Variants in CLSTN2 observed in about 807,000 individuals in gnomAD.
The protein encoded by CLSTN2 is calsyntenin 2.
CLSTN2 carries 48 observed loss-of-function variants against 101.2 expected under a neutral mutation model. The observed-to-expected ratio is 0.47, with a 90% CI of 0.38 to 0.60. CLSTN2 has a LOEUF of 0.60. Ranked by LOEUF, CLSTN2 falls within the 20% of genes least tolerant of loss-of-function variation. The pLI is 0.00. For synonymous variants in CLSTN2, 481 were observed against 463.6 expected (o/e 1.04, Z -0.48); for missense variants, 1,160 against 1,238.2 (o/e 0.94, Z 0.95).
intron 1 of CLSTN2, among the ~76,000 whole-genome samples, chr3:140,171,635 A>G (rs1176387846): frequency 8.4e-6 from 1 of 119,742 alleles, no homozygotes; most frequent in Non-Finnish European, 1.6e-5. Context: ...TATGTATTAT[A>G]TATTATATAT....
At chr3:140,124,252 A>G (rs537193584) in intron 1 of CLSTN2, among the ~76,000 whole-genome samples, 1 of 152,248 alleles carries the variant, frequency 6.6e-6, no homozygotes, top group Non-Finnish European at 1.5e-5. Context: ...TGGATAGGCA[A>G]TGAGCTGGAG....
At chr3:139,987,164 T>C (rs1055392122) in intron 1 of CLSTN2, among the ~76,000 whole-genome samples, 3 of 152,206 alleles carry the variant, frequency 2.0e-5, no homozygotes, top group African/African-American at 7.2e-5. Context: ...TAGCTGCTTT[T>C]TCCTTTCTGC....
chr3:140,227,112 G>A (rs779136776), intron 2 of CLSTN2, among the ~76,000 whole-genome samples: 21 of 152,080 alleles, frequency 1.4e-4, no homozygotes, highest in African/African-American at 3.1e-4. Context: ...TCATTTCAGC[G>A]TTAACTCAAA....
intron 2 of CLSTN2, among the ~76,000 whole-genome samples, chr3:140,184,532 C>G (rs572069997): frequency 7.2e-5 from 11 of 152,250 alleles, no homozygotes; most frequent in South Asian, 4.1e-4. Context: ...TTAGGTCCCT[C>G]CCTTGACCCT....
intron 1 of CLSTN2, among the ~76,000 whole-genome samples, chr3:140,167,911 G>A (rs545983909): frequency 1.1e-3 from 164 of 152,192 alleles, no homozygotes; most frequent in Non-Finnish European, 2.1e-3. Flanking sequence ...TGCTGAGTGG[G>A]TGTCCATTAT....
intron 1 of CLSTN2, among the ~76,000 whole-genome samples, chr3:139,997,121 A>G (rs75076519): frequency 4.6e-5 from 7 of 151,528 alleles, no homozygotes; most frequent in African/African-American, 1.7e-4. Context: ...CATTGTTTGC[A>G]TTTTAAAAAA....
chr3:140,530,191 G>A (rs1935224557), intron 8 of CLSTN2, among the ~76,000 whole-genome samples: 1 of 152,126 alleles, frequency 6.6e-6, no homozygotes, highest in African/African-American at 2.4e-5. Context: ...AATAAGTATA[G>A]TATATAGCCA....
At chr3:140,259,868 T>C (rs1475985359) in intron 2 of CLSTN2, among the ~76,000 whole-genome samples, 3 of 152,156 alleles carry the variant, frequency 2.0e-5, no homozygotes, top group African/African-American at 7.2e-5. Flanking sequence ...TATTTGTTCA[T>C]AGATGAGGTG....
rs182962267 is a variant in CLSTN2 at position 140,159,366 on chromosome 3, G to T, written c.110-16585G>T. On this transcript the variant is annotated intron_variant, in intron 1 of 16. Coordinates refer to ENST00000458420, the MANE Select transcript of CLSTN2 (RefSeq NM_022131.3). Reference sequence around the variant, plus strand: ...CCATTAAAAAATAGACCAAGGACATGAACAGACACTTCTCAAAAGAAGATA... The same window carrying T: ...CCATTAAAAAATAGACCAAGGACATTAACAGACACTTCTCAAAAGAAGATA... Among the ~76,000 whole-genome samples the T allele has an allele frequency of 1.5e-4, 23 of 152,158 alleles. No individual in the cohort carries two copies. The East Asian group carries it at 4.4e-3, about 29-fold the overall frequency.
chr3:140,244,921 C>A (rs549222805), intron 2 of CLSTN2, among the ~76,000 whole-genome samples: 2 of 152,194 alleles, frequency 1.3e-5, no homozygotes, highest in African/African-American at 4.8e-5. Context: ...GGTTTGAAAA[C>A]GCCATGGCAT....
At chr3:140,274,684 T>C (rs2086777814) in intron 2 of CLSTN2, among the ~76,000 whole-genome samples, 1 of 152,088 alleles carries the variant, frequency 6.6e-6, no homozygotes, top group Non-Finnish European at 1.5e-5. Context: ...TGTATCTCTC[T>C]ACAAGGAGGT....
intron 8 of CLSTN2, among the ~76,000 whole-genome samples, chr3:140,528,133 A>G (rs1324256603): frequency 2.6e-5 from 4 of 152,170 alleles, no homozygotes; most frequent in Non-Finnish European, 5.9e-5. Flanking sequence ...TGCCTAAGAC[A>G]GAATTGGTCC....
chr3:140,481,829 C>T (rs539464475), intron 8 of CLSTN2, among the ~76,000 whole-genome samples: 15 of 152,328 alleles, frequency 9.8e-5, no homozygotes, highest in South Asian at 2.1e-4. Context: ...AGTTGCCTAT[C>T]GGCTTAAGGA....
intron 6 of CLSTN2, among the ~76,000 whole-genome samples, chr3:140,449,092 G>A (rs1166702664): frequency 1.3e-5 from 2 of 152,198 alleles, no homozygotes; most frequent in East Asian, 3.8e-4. Context: ...AGTATGAAGA[G>A]TTAGTAGTGT....
intron 1 of CLSTN2, among the ~76,000 whole-genome samples, chr3:139,993,645 G>A (rs753838165): frequency 1.3e-5 from 2 of 152,162 alleles, no homozygotes; most frequent in African/African-American, 4.8e-5. Flanking sequence ...AACCGTGCCT[G>A]TACTTTCTGG....
chr3:140,207,644 A>C (rs2010801142), intron 2 of CLSTN2, among the ~76,000 whole-genome samples: 1 of 152,204 alleles, frequency 6.6e-6, no homozygotes, highest in African/African-American at 2.4e-5. Flanking sequence ...GGGTAAATAG[A>C]ATATCCTGTG....
chr3:140,200,114 T>G (rs1331894310), intron 2 of CLSTN2, among the ~76,000 whole-genome samples: 1 of 152,168 alleles, frequency 6.6e-6, no homozygotes, highest in East Asian at 1.9e-4. Context: ...TATATTTCTT[T>G]CCCTGGGAAC....
chr3:140,281,592 A>G (rs1407855996), intron 2 of CLSTN2, among the ~76,000 whole-genome samples: 2 of 152,076 alleles, frequency 1.3e-5, no homozygotes, highest in Non-Finnish European at 2.9e-5. Context: ...TGTTTCCAGG[A>G]TCTCATTCAT....
At chr3:140,292,706 A>G (rs995391426) in intron 2 of CLSTN2, among the ~76,000 whole-genome samples, 2 of 152,198 alleles carry the variant, frequency 1.3e-5, no homozygotes, top group African/African-American at 4.8e-5. Context: ...AACCTCTCTC[A>G]GGCTCAATTT....
Sources: allele counts gnomAD v4.1 joint callset (sites outside exome capture counted in the v4.1 genomes callset), GRCh38; gene constraint gnomAD v4.1.1; transcripts MANE v1.5; gene names NCBI Gene and HGNC (gene_info 2026-07-23, HGNC 2026-07-21).